PLAAT5: variants seen among roughly 807,000 people sequenced by gnomAD.
PLAAT5 encodes the protein Ca(2+)-independent N-acyltransferase.
In PLAAT5, 27 loss-of-function variants were observed where a neutral mutation model predicts 27.8. That is an observed-to-expected ratio of 0.97 (90% CI 0.72 to 1.34). The LOEUF (loss-of-function observed/expected upper bound fraction) is 1.34, where lower values mean the gene tolerates loss of function less well. Among genes scored for constraint, PLAAT5 ranks in the 40% most tolerant of loss-of-function variants. PLAAT5 has a pLI of 0.00. For missense variants in PLAAT5, 368 were observed against 343.8 expected (o/e 1.07, Z -0.56); for synonymous variants, 125 against 136.1 (o/e 0.92, Z 0.57).
Position 63,490,244 on chromosome 11 carries a change from C to A in PLAAT5, c.238G>T (p.Gly80Trp). ...ACCCCAACCTTACAATCTTCTTACC[C>A]TTGCTGGATGCTTCTGCCCTGTTCT... ...TLEQGRSIQQGEKAVVSLETT... is the reference protein window; with the variant it reads ...TLEQGRSIQQWEKAVVSLETT... Residue 80 changes from glycine to tryptophan, a missense_variant and splice_region_variant, in exon 2 of 6, where the codon GGG (glycine) becomes TGG (tryptophan). Coordinates refer to ENST00000540857, the MANE Select transcript of PLAAT5 (RefSeq NM_001146729.2). 1.2e-6 allele frequency: 2 copies of A among 1,614,244 alleles called. 1 individual carries two copies. The highest frequency in any genetic ancestry group is 2.2e-5 in the South Asian group (2 of 91,088).
At position 63,462,454 on chromosome 11, in the gene PLAAT5, G is replaced by C. The variant is rs909659316; in HGVS notation, c.*1049C>G. 6.6e-6 allele frequency: 1 copy of C among 152,008 alleles called. No homozygotes were observed. The highest frequency in any genetic ancestry group is 1.5e-5 in the Non-Finnish European group (1 of 68,012). 9.4% of individuals were successfully genotyped at this position (152,008 alleles called of 1,614,324 possible). On this transcript the variant is annotated 3_prime_UTR_variant, in exon 6 of 6. Transcript: ENST00000540857. ...TTAGATTGCTAAGAAAAGGATGGAG[G>C]GTAAAAACATTGAAGAGTTTCAGTG...
chr11:63,487,348 A>C (rs1259984885), intron 3 of PLAAT5, among the ~76,000 whole-genome samples: 1 of 152,224 alleles, frequency 6.6e-6, no homozygotes, highest in Non-Finnish European at 1.5e-5. Flanking sequence ...ATTATTAGTC[A>C]TTAGGAAAAT....
chr11:63,466,440 TC>T (rs2015869837), intron 4 of PLAAT5, 68 bp from the exon 5 acceptor site: 2 of 1,503,826 alleles, frequency 1.3e-6, no homozygotes, highest in Non-Finnish European at 9.0e-7. Context: ...AGTCTAAGAC[TC>T]TGAGTAAGCT....
intron 4 of PLAAT5, 83 bp from the exon 5 acceptor site, chr11:63,466,455 T>A (rs1409339903): frequency 1.0e-5 from 14 of 1,374,128 alleles, no homozygotes; most frequent in South Asian, 1.4e-5. Flanking sequence ...GTAAGCTGCT[T>A]CCCCTGGAGT....
intron 1 of PLAAT5, 62 bp downstream of exon 1, chr11:63,490,825 C>T (rs2016547103): frequency 2.0e-6 from 3 of 1,473,726 alleles, no homozygotes; most frequent in Non-Finnish European, 1.8e-6. Context: ...TTGAGGGTAA[C>T]CGCCCGCTGG....
intron 3 of PLAAT5, among the ~76,000 whole-genome samples, chr11:63,468,982 G>T (rs2015940222): frequency 6.6e-6 from 1 of 152,028 alleles, no homozygotes; most frequent in South Asian, 2.1e-4. Context: ...TCCCTCTGCA[G>T]GGCCCCCACG....
Position 63,491,165 on chromosome 11 carries a change from C to T in PLAAT5, c.-131G>A, listed in dbSNP as rs1021822077. On this transcript the variant is annotated 5_prime_UTR_variant, in exon 1 of 6. Transcript: ENST00000540857. ...CACTGGGGGCGGCTCGGGGAGGAACCGCGGAGGGGAAAGCGCCGCGGGCTG... is the reference window on the plus strand; with the variant it reads ...CACTGGGGGCGGCTCGGGGAGGAACTGCGGAGGGGAAAGCGCCGCGGGCTG... 1 of 778,456 alleles carries T rather than the reference C, an allele frequency of 1.3e-6. No individual in the cohort carries two copies. Among genetic ancestry groups the T allele is most frequent in the Non-Finnish European group, 1.8e-6 (1 of 552,370 alleles). The allele number at this position is 778,456 out of a possible 1,614,324, so 48.2% of individuals were successfully genotyped here.
rs2015855001 is a variant in PLAAT5 at position 63,466,137 on chromosome 11, G to A, written c.690C>T (p.Leu230=). ...GCTGGCTCCGGGGTACGCCATATCT[G>A]AGGCCATTGACAAAGTGCTCACAGT... The part of the protein sequence containing the change: ...EGNCEHFVNG[L]RYGVPRSQQV... Residue 230 remains leucine, a synonymous_variant, in exon 5 of 6, where the codon CTC becomes CTT. Coordinates refer to ENST00000540857, the MANE Select transcript of PLAAT5 (RefSeq NM_001146729.2). The A allele has an allele frequency of 1.2e-6, 2 of 1,613,998 alleles. No homozygotes were observed. Among genetic ancestry groups the A allele is most frequent in the Non-Finnish European group, 1.7e-6 (2 of 1,180,018 alleles).
intron 4 of PLAAT5, among the ~76,000 whole-genome samples, chr11:63,466,614 T>C (rs542098962): frequency 2.0e-5 from 3 of 152,298 alleles, no homozygotes; most frequent in Non-Finnish European, 4.4e-5. Context: ...ATTAAACTCT[T>C]GGAGCACCTT....
chr11:63,465,983 A>G (rs2015850406), intron 5 of PLAAT5, 127 bp downstream of exon 5: 2 of 989,324 alleles, frequency 2.0e-6, no homozygotes, highest in Non-Finnish European at 2.9e-6. Flanking sequence ...TCCTGCAGAA[A>G]TAGAAGGCCC....
chr11:63,466,435 A>G (rs1242839922), intron 4 of PLAAT5, 63 bp from the exon 5 acceptor site: 1 of 1,534,050 alleles, frequency 6.5e-7, no homozygotes, highest in African/African-American at 1.4e-5. Flanking sequence ...AGCACAGTCT[A>G]AGACTCTGAG....
intron 3 of PLAAT5, among the ~76,000 whole-genome samples, chr11:63,483,784 A>AAATATATATATATATGTATATATAT (rs1397719113): frequency 3.0e-5 from 2 of 65,680 alleles, no homozygotes; most frequent in Admixed American, 3.9e-4. Context: ...GCAAAAAAAA[A>AAATATATATATATATGTATATATAT]ATATATATAT....
At chr11:63,464,329 C>A (rs897974996) in intron 5 of PLAAT5, among the ~76,000 whole-genome samples, 5 of 152,112 alleles carry the variant, frequency 3.3e-5, no homozygotes, top group African/African-American at 1.2e-4. Flanking sequence ...TAATTATGTT[C>A]TTCTTTTAAT....
At chr11:63,471,115 G>A (rs1394352030) in intron 3 of PLAAT5, among the ~76,000 whole-genome samples, 2 of 152,086 alleles carry the variant, frequency 1.3e-5, no homozygotes, top group African/African-American at 4.8e-5. Context: ...ACACCAGAGA[G>A]TTCATACTAA....
intron 3 of PLAAT5, among the ~76,000 whole-genome samples, chr11:63,483,172 A>G (rs1283554098): frequency 6.7e-6 from 1 of 150,372 alleles, no homozygotes; most frequent in Non-Finnish European, 1.5e-5. Flanking sequence ...GGACTTCAGT[A>G]CTCCACTGAC....
At chr11:63,465,139 G>A (rs947791545) in intron 5 of PLAAT5, among the ~76,000 whole-genome samples, 10 of 151,912 alleles carry the variant, frequency 6.6e-5, no homozygotes, top group South Asian at 2.1e-4. Context: ...TTAGCCAGAC[G>A]TGGTGGCGCA....
In PLAAT5 at chr11:63,487,365, G is replaced by A. The variant is rs1470259514; in HGVS notation, c.345+1506C>T. ...TATTAGTCATTAGGAAAATGCAAATGAAAACCACAATGAGATACCTACACA... is the reference window on the plus strand; with the variant it reads ...TATTAGTCATTAGGAAAATGCAAATAAAAACCACAATGAGATACCTACACA... On this transcript the variant is annotated intron_variant, in intron 3 of 5. Coordinates refer to ENST00000540857, the MANE Select transcript of PLAAT5 (RefSeq NM_001146729.2). Among the ~76,000 whole-genome samples, 6 of 152,072 alleles carry A rather than the reference G, an allele frequency of 3.9e-5. No homozygotes were observed. The South Asian group carries it at 1.2e-3, about 31-fold the overall frequency.
At position 63,471,965 on chromosome 11, in the gene PLAAT5, TCA is replaced by T. The variant is rs148660573; in HGVS notation, c.346-3502_346-3501del. On this transcript the variant is annotated intron_variant, in intron 3 of 5. Transcript: ENST00000540857. ...ACTGAAAACCAAACACCGCATGTTC[TCA>T]CTTATAAATGGGAGCTGAATGATGA... 9.6e-4 allele frequency among the ~76,000 whole-genome samples: 146 copies of T among 152,222 alleles called. 4 individuals are homozygous for T. In the East Asian group the frequency reaches 0.022, roughly 23 times the overall value.
chr11:63,473,081 G>A (rs953541822), intron 3 of PLAAT5, among the ~76,000 whole-genome samples: 6 of 151,804 alleles, frequency 4.0e-5, no homozygotes, highest in Non-Finnish European at 5.9e-5. Flanking sequence ...CTGCACCACC[G>A]CACTCCAGCA....
Sources: allele counts gnomAD v4.1 joint callset (sites outside exome capture counted in the v4.1 genomes callset), GRCh38; gene constraint gnomAD v4.1.1; transcripts MANE v1.5; gene names NCBI Gene and HGNC (gene_info 2026-07-23, HGNC 2026-07-21).